Variants in UTRN observed in about 807,000 individuals in gnomAD.
UTRN encodes the protein dystrophin-related protein 1.
UTRN carries 283 observed loss-of-function variants against 463.9 expected under a neutral mutation model. The ratio of observed to expected loss-of-function variants is 0.61; its 90% CI spans 0.55 to 0.67. The LOEUF is 0.67. UTRN is among the 30% of genes least tolerant of loss of function. UTRN has a pLI of 0.00. For missense variants in UTRN, 3,922 were observed against 4,084.3 expected (o/e 0.96, Z 1.08); for synonymous variants, 1,442 against 1,431.5 (o/e 1.01, Z -0.17).
chr6:144,470,289 G>C (rs575773629), intron 23 of UTRN, among the ~76,000 whole-genome samples: 5 of 151,490 alleles, frequency 3.3e-5, no homozygotes, highest in Non-Finnish European at 7.4e-5. Flanking sequence ...GGGCAGAGGC[G>C]CCCCCCACCT....
intron 1 of UTRN, among the ~76,000 whole-genome samples, chr6:144,291,418 G>A (rs186447255): frequency 6.6e-6 from 1 of 152,300 alleles, no homozygotes; most frequent in African/African-American, 2.4e-5. Context: ...CTTCAAGAAA[G>A]CCTTCTCTAA....
intron 41 of UTRN, among the ~76,000 whole-genome samples, chr6:144,526,858 A>G (rs901384216): frequency 6.6e-6 from 1 of 151,370 alleles, no homozygotes; most frequent in Admixed American, 6.6e-5. Flanking sequence ...GTGCAGTGGC[A>G]TGATCTCGGC....
At chr6:144,352,860 T>C (rs1442439541) in intron 2 of UTRN, among the ~76,000 whole-genome samples, 2 of 152,208 alleles carry the variant, frequency 1.3e-5, no homozygotes, top group Non-Finnish European at 2.9e-5. Flanking sequence ...TTTTATCATA[T>C]TGGGTTTGTG....
chr6:144,505,246 C>T (rs1465622384), intron 34 of UTRN, among the ~76,000 whole-genome samples: 1 of 152,032 alleles, frequency 6.6e-6, no homozygotes, highest in Non-Finnish European at 1.5e-5. Context: ...GAAGGGTTTT[C>T]GTGTCTCTAT....
At chr6:144,737,786 T>C (rs1789591419) in intron 54 of UTRN, among the ~76,000 whole-genome samples, 1 of 152,118 alleles carries the variant, frequency 6.6e-6, no homozygotes, top group Non-Finnish European at 1.5e-5. Context: ...ATTTAATTTG[T>C]ATCATGTCAA....
Position 144,557,513 on chromosome 6 carries a change from A to T in UTRN, c.7289+202A>T, listed in dbSNP as rs80097243. ...TTATACAATATGTTTTTGAATTTTT[A>T]CAATGGAGTTTTTTATTTTATTTTT... On this transcript the variant is annotated intron_variant, in intron 50 of 74. Coordinates refer to ENST00000367545, the MANE Select transcript of UTRN (RefSeq NM_007124.3). Among the ~76,000 whole-genome samples, 569 of 152,236 alleles carry T rather than the reference A, an allele frequency of 3.7e-3. 1 individual carries two copies. The highest frequency in any genetic ancestry group is 0.013 in the African/African-American group (552 of 41,522).
chr6:144,771,306 A>G (rs888617795), intron 58 of UTRN, among the ~76,000 whole-genome samples: 1 of 152,186 alleles, frequency 6.6e-6, no homozygotes, highest in African/African-American at 2.4e-5. Context: ...AAACTTTTGT[A>G]TAGAGATGAG....
At chr6:144,635,431 G>A (rs1008949105) in intron 51 of UTRN, among the ~76,000 whole-genome samples, 2 of 150,516 alleles carry the variant, frequency 1.3e-5, no homozygotes, top group Non-Finnish European at 2.9e-5. Context: ...AATTAAGGGC[G>A]TGAGCCACCA....
chr6:144,643,557 G>A (rs995219256), intron 51 of UTRN, among the ~76,000 whole-genome samples: 13 of 152,116 alleles, frequency 8.5e-5, no homozygotes, highest in African/African-American at 3.1e-4. Context: ...AGCACTTTGG[G>A]AGGCTGAGGC....
At chr6:144,477,618 T>G (rs956559954) in intron 25 of UTRN, among the ~76,000 whole-genome samples, 1 of 151,804 alleles carries the variant, frequency 6.6e-6, no homozygotes, top group South Asian at 2.1e-4. Context: ...ATCATGACAC[T>G]TCACCCCTAA....
chr6:144,297,010 A>G (rs1804778651), intron 2 of UTRN, among the ~76,000 whole-genome samples: 1 of 152,228 alleles, frequency 6.6e-6, no homozygotes, highest in South Asian at 2.1e-4. Flanking sequence ...AAGATAGAGA[A>G]ATGGATAATG....
chr6:144,799,799 G>A (rs1777556410), intron 64 of UTRN, among the ~76,000 whole-genome samples: 1 of 152,198 alleles, frequency 6.6e-6, no homozygotes, highest in African/African-American at 2.4e-5. Context: ...CCCAAGGCCA[G>A]GCAGCCGATT....
At chr6:144,463,658 T>C (rs1293377001) in intron 23 of UTRN, among the ~76,000 whole-genome samples, 2 of 151,920 alleles carry the variant, frequency 1.3e-5, no homozygotes, top group Non-Finnish European at 2.9e-5. Context: ...TCTTTGTCTT[T>C]TTTAAATTTC....
At chr6:144,446,271 G>A (rs749073071) in intron 14 of UTRN, among the ~76,000 whole-genome samples, 88 of 152,222 alleles carry the variant, frequency 5.8e-4, no homozygotes, top group Non-Finnish European at 2.5e-4. Context: ...TACCTTTTGT[G>A]TGTGTGTGTG....
In UTRN at chr6:144,614,083, A is replaced by G. The variant is rs147871406; in HGVS notation, c.7479+36795A>G. On this transcript the variant is annotated intron_variant, in intron 51 of 74. Transcript: ENST00000367545. ...TCTGAATTTATAGTAACGACTCAACACTAGAAGTCTCAGCAGCTTGGTTTG... is the reference window on the plus strand; with the variant it reads ...TCTGAATTTATAGTAACGACTCAACGCTAGAAGTCTCAGCAGCTTGGTTTG... Among the ~76,000 whole-genome samples the G allele has an allele frequency of 2.8e-3, 426 of 152,064 alleles. 1 individual carries two copies. The highest frequency in any genetic ancestry group is 9.6e-3 in the African/African-American group (398 of 41,518).
chr6:144,321,691 C>T (rs889665795), intron 2 of UTRN, among the ~76,000 whole-genome samples: 5 of 150,880 alleles, frequency 3.3e-5, no homozygotes, highest in African/African-American at 9.7e-5. Context: ...AGGCTGGTTT[C>T]GAACTCCTGG....
chr6:144,330,065 C>T (rs943363564), intron 2 of UTRN, among the ~76,000 whole-genome samples: 3 of 152,154 alleles, frequency 2.0e-5, no homozygotes, highest in Non-Finnish European at 2.9e-5. Context: ...GCAAATCACT[C>T]GGGGACTTCA....
intron 2 of UTRN, among the ~76,000 whole-genome samples, chr6:144,353,034 C>T (rs748845722): frequency 8.5e-5 from 13 of 152,066 alleles, no homozygotes; most frequent in Non-Finnish European, 1.3e-4. Flanking sequence ...CCTCGATCTC[C>T]GGGGGTCAAG....
intron 2 of UTRN, among the ~76,000 whole-genome samples, chr6:144,316,207 T>A (rs1775278641): frequency 6.6e-6 from 1 of 152,106 alleles, no homozygotes. Flanking sequence ...AAAAAGTCTC[T>A]AAAAAACAAA....
Sources: gnomAD v4.1 joint callset for allele counts (sites outside exome capture counted in the v4.1 genomes callset) on GRCh38, gnomAD v4.1.1 for gene constraint, MANE v1.5 for transcripts, NCBI Gene and HGNC (gene_info 2026-07-23, HGNC 2026-07-21) for gene names.